Variants in EXOC6B observed in about 807,000 individuals in gnomAD.
EXOC6B encodes exocyst complex component 6B.
In EXOC6B, 54 loss-of-function variants were observed where a neutral mutation model predicts 113.5. The observed-to-expected ratio is 0.48, with a 90% confidence interval of 0.38 to 0.60. The LOEUF is 0.60. Ranked by LOEUF, EXOC6B falls within the 20% of genes least tolerant of loss-of-function variation. The pLI is 0.00. For missense variants in EXOC6B, 797 were observed against 977.5 expected (o/e 0.82, Z 2.46); for synonymous variants, 357 against 339.0 (o/e 1.05, Z -0.58).
chr2:72,671,263 T>TCC (rs1431416155), intron 6 of EXOC6B, among the ~76,000 whole-genome samples: 1 of 152,210 alleles, frequency 6.6e-6, no homozygotes, highest in Admixed American at 6.5e-5. Context: ...AACCTATCTA[T>TCC]CTGACAAGGG....
intron 20 of EXOC6B, among the ~76,000 whole-genome samples, chr2:72,250,317 A>T (rs1196959751): frequency 3.9e-5 from 6 of 152,164 alleles, no homozygotes; most frequent in Non-Finnish European, 7.4e-5. Context: ...AGTACTGTCT[A>T]GACAGGAACA....
At chr2:72,658,243 TTACA>T (rs1248517267) in intron 6 of EXOC6B, among the ~76,000 whole-genome samples, 5 of 80,450 alleles carry the variant, frequency 6.2e-5, no homozygotes, top group Non-Finnish European at 1.3e-4. Flanking sequence ...TCAAAGATAA[TTACA>T]TACTATATAA....
chr2:72,288,694 A>G (rs1008993327), intron 20 of EXOC6B: 1 of 151,552 alleles, frequency 6.6e-6, no homozygotes, highest in Non-Finnish European at 1.5e-5. Context: ...ATAGAAATAT[A>G]TATATATATA....
intron 18 of EXOC6B, 77 bp downstream of exon 18, chr2:72,465,083 A>G: frequency 1.6e-6 from 2 of 1,264,152 alleles, no homozygotes; most frequent in Non-Finnish European, 2.2e-6. Flanking sequence ...TACAGCAGAA[A>G]CTAACATCTT....
chr2:72,754,229 T>C (rs2104868740), intron 1 of EXOC6B, among the ~76,000 whole-genome samples: 1 of 152,222 alleles, frequency 6.6e-6, no homozygotes, highest in East Asian at 1.9e-4. Flanking sequence ...CACAAGAAAC[T>C]GCTTTGGTTC....
chr2:72,275,941 A>T (rs1034395806), intron 20 of EXOC6B, among the ~76,000 whole-genome samples: 3 of 152,312 alleles, frequency 2.0e-5, no homozygotes, highest in South Asian at 4.1e-4. Flanking sequence ...GTAACAATTC[A>T]TATTTGTAAC....
chr2:72,615,432 T>C (rs1242998543), intron 6 of EXOC6B, among the ~76,000 whole-genome samples: 1 of 151,974 alleles, frequency 6.6e-6, no homozygotes, highest in Non-Finnish European at 1.5e-5. Context: ...AAAGAACAAA[T>C]TGCATTATCG....
At chr2:72,517,989 C>G (rs956188639) in intron 8 of EXOC6B, among the ~76,000 whole-genome samples, 9 of 152,092 alleles carry the variant, frequency 5.9e-5, no homozygotes, top group African/African-American at 2.2e-4. Context: ...GCTGGAGTTT[C>G]CTTAGTGGCT....
At chr2:72,573,036 T>G (rs138767543) in intron 7 of EXOC6B, among the ~76,000 whole-genome samples, 26 of 152,200 alleles carry the variant, frequency 1.7e-4, no homozygotes, top group Non-Finnish European at 3.5e-4. Context: ...TCCAACACAT[T>G]TTACTAGTCT....
chr2:72,194,620 T>C (rs1572977243), intron 20 of EXOC6B, among the ~76,000 whole-genome samples: 1 of 152,046 alleles, frequency 6.6e-6, no homozygotes, highest in East Asian at 1.9e-4. Flanking sequence ...TGCATATGTG[T>C]GTGTGCACAA....
chr2:72,356,482 T>A (rs1689976497), intron 19 of EXOC6B, among the ~76,000 whole-genome samples: 1 of 152,136 alleles, frequency 6.6e-6, no homozygotes, highest in South Asian at 2.1e-4. Context: ...TAGTGTGCTA[T>A]GATTGCCCTT....
chr2:72,559,594 C>G, intron 7 of EXOC6B, 73 bp from the exon 8 acceptor site: 2 of 1,238,512 alleles, frequency 1.6e-6, no homozygotes, highest in Non-Finnish European at 2.3e-6. Context: ...TGTTACTACT[C>G]AAGTGTTTGG....
At chr2:72,779,300 ATATAT>A (rs1189074870) in intron 1 of EXOC6B, among the ~76,000 whole-genome samples, 2 of 151,446 alleles carry the variant, frequency 1.3e-5, no homozygotes, top group Non-Finnish European at 2.9e-5. Flanking sequence ...ATAAGCATAT[ATATAT>A]TATATTATAT....
Position 72,680,778 on chromosome 2 carries a change from CATT to C in EXOC6B, c.669+37322_669+37324del, listed in dbSNP as rs1014843412. ...AAAAAAGGAGCACTCCAATCTTCAT[CATT>C]ATTGTTACCATTATTTGTTTTTATA... On this transcript the variant is annotated intron_variant, in intron 6 of 21. Transcript: ENST00000272427. Among the ~76,000 whole-genome samples, 14 of 152,040 alleles carry C rather than the reference CATT, an allele frequency of 9.2e-5. No homozygotes were observed. In the South Asian group the frequency reaches 1.0e-3, roughly 11 times the overall value.
intron 20 of EXOC6B, among the ~76,000 whole-genome samples, chr2:72,313,286 G>T (rs1280420561): frequency 6.6e-6 from 1 of 152,118 alleles, no homozygotes; most frequent in Non-Finnish European, 1.5e-5. Flanking sequence ...ATTCCTGGGT[G>T]AAGAAATATT....
intron 18 of EXOC6B, among the ~76,000 whole-genome samples, chr2:72,431,120 A>G (rs1184667607): frequency 1.3e-5 from 2 of 152,204 alleles, no homozygotes; most frequent in East Asian, 3.8e-4. Flanking sequence ...ATTTAATTTC[A>G]TAGAGCACTA....
intron 1 of EXOC6B, among the ~76,000 whole-genome samples, chr2:72,797,320 G>A (rs910184828): frequency 1.3e-5 from 2 of 152,100 alleles, no homozygotes; most frequent in Admixed American, 6.5e-5. Flanking sequence ...CCTTTTCTCC[G>A]ATCCTCTCAG....
intron 6 of EXOC6B, among the ~76,000 whole-genome samples, chr2:72,641,964 A>G (rs899877494): frequency 6.6e-6 from 1 of 152,264 alleles, no homozygotes; most frequent in Admixed American, 6.5e-5. Flanking sequence ...GTGGACCTCC[A>G]GCAAACTCTA....
intron 1 of EXOC6B, among the ~76,000 whole-genome samples, chr2:72,762,404 A>C (rs1397036427): frequency 6.6e-6 from 1 of 152,108 alleles, no homozygotes; most frequent in Non-Finnish European, 1.5e-5. Flanking sequence ...ACAAACACTA[A>C]TAAAGAAAAA....
Sources: gnomAD v4.1 joint callset for allele counts (sites outside exome capture counted in the v4.1 genomes callset) on GRCh38, gnomAD v4.1.1 for gene constraint, MANE v1.5 for transcripts, NCBI Gene and HGNC (gene_info 2026-07-23, HGNC 2026-07-21) for gene names.